The following C20orf203 variants were observed in gnomAD, a reference collection of about 807,000 sequenced individuals.
The protein encoded by C20orf203 is uncharacterized protein C20orf203.
In C20orf203, 16 loss-of-function variants were observed where a neutral mutation model predicts 15.9. The observed-to-expected ratio is 1.01, with a 90% CI of 0.68 to 1.53. C20orf203 has a LOEUF of 1.53. Ranked by LOEUF, C20orf203 falls within the 40% of genes most tolerant of loss-of-function variation. The pLI is 0.00. For missense variants in C20orf203, 263 were observed against 247.5 expected (o/e 1.06, Z -0.42); for synonymous variants, 98 against 97.2 (o/e 1.01, Z -0.05).
intron 1 of C20orf203, among the ~76,000 whole-genome samples, chr20:32,654,437 A>G (rs1747433661): frequency 1.3e-5 from 2 of 152,354 alleles, no homozygotes; most frequent in African/African-American, 4.8e-5. Context: ...CTTCAGATTC[A>G]ACACAATCTC....
At chr20:32,634,419 T>G (rs1318636879) in intron 5 of C20orf203, 149 bp from the exon 6 acceptor site, 3 of 393,894 alleles carry the variant, frequency 7.6e-6, no homozygotes, top group Non-Finnish European at 1.3e-5. Flanking sequence ...TGTCCTCAGG[T>G]GTGGACGCGT....
intron 1 of C20orf203, among the ~76,000 whole-genome samples, chr20:32,671,027 A>C (rs899611705): frequency 6.4e-4 from 96 of 150,326 alleles, no homozygotes; most frequent in Admixed American, 1.2e-3. Context: ...AAAAAAAAAA[A>C]AACAACAGTG....
chr20:32,638,459 T>C (rs1982195687), intron 5 of C20orf203, among the ~76,000 whole-genome samples: 2 of 151,952 alleles, frequency 1.3e-5, no homozygotes, highest in African/African-American at 4.8e-5. Flanking sequence ...GGAGGATCAG[T>C]GAGGTGAAGT....
At chr20:32,643,322 T>C (rs1982334317) in intron 4 of C20orf203, among the ~76,000 whole-genome samples, 1 of 152,160 alleles carries the variant, frequency 6.6e-6, no homozygotes, top group African/African-American at 2.4e-5. Context: ...GCTTACTTTA[T>C]AGGGTGGCTG....
chr20:32,658,128 G>A (rs1237753900), intron 1 of C20orf203, among the ~76,000 whole-genome samples: 1 of 152,074 alleles, frequency 6.6e-6, no homozygotes, highest in Non-Finnish European at 1.5e-5. Context: ...CCTGAGGTCA[G>A]GAGTTTAAGA....
At chr20:32,666,476 A>T (rs1983028721) in intron 1 of C20orf203, among the ~76,000 whole-genome samples, 1 of 151,532 alleles carries the variant, frequency 6.6e-6, no homozygotes, top group South Asian at 2.1e-4. Flanking sequence ...CAAAAAAAAA[A>T]AAAAAGTCCA....
chr20:32,651,055 G>T lies in C20orf203; in HGVS notation c.98C>A (p.Ala33Asp). The T allele has an allele frequency of 6.6e-7, 1 of 1,525,920 alleles. No homozygotes were observed. Among genetic ancestry groups the T allele is most frequent in the African/African-American group, 1.4e-5 (1 of 71,966 alleles). The allele number at this position is 1,525,920 out of a possible 1,614,324, so 94.5% of individuals were successfully genotyped here. ...LDHRQWPPRL[A>D]SFPFTKTGML... ...TCCAGTTTTTGTAAAGGGAAAACTGGCCAGGCGAGGTGGCCACTGCCTGTG... is the reference window on the plus strand; with the variant it reads ...TCCAGTTTTTGTAAAGGGAAAACTGTCCAGGCGAGGTGGCCACTGCCTGTG... Residue 33 changes from alanine (A) to aspartate (D), a missense_variant, in exon 3 of 6, where the codon GCC becomes GAC. Ala to Asp is a moderately radical substitution (Grantham distance 126, BLOSUM62 -2). Transcript: ENST00000608990.
At chr20:32,634,803 C>CATAT (rs141321913) in intron 5 of C20orf203, among the ~76,000 whole-genome samples, 1 of 149,494 alleles carries the variant, frequency 6.7e-6, no homozygotes, top group Non-Finnish European at 1.5e-5. Flanking sequence ...CCTACATATG[C>CATAT]ATATATATAT....
chr20:32,653,381 C>T (rs1189328081), intron 1 of C20orf203, among the ~76,000 whole-genome samples: 1 of 152,162 alleles, frequency 6.6e-6, no homozygotes, highest in Non-Finnish European at 1.5e-5. Context: ...CCAGGGCTCA[C>T]TCCCAGTGCA....
intron 1 of C20orf203, among the ~76,000 whole-genome samples, chr20:32,653,853 G>A (rs1982696592): frequency 6.6e-6 from 1 of 152,136 alleles, no homozygotes; most frequent in Admixed American, 6.6e-5. Flanking sequence ...AGCACTTTGG[G>A]AGGCCAAGGC....
chr20:32,637,714 C>T (rs925333953), intron 5 of C20orf203, among the ~76,000 whole-genome samples: 3 of 152,336 alleles, frequency 2.0e-5, no homozygotes, highest in Admixed American at 6.5e-5. Flanking sequence ...ATTTCTGATG[C>T]TTAGAATAAT....
intron 1 of C20orf203, among the ~76,000 whole-genome samples, chr20:32,654,238 TAATTC>T (rs1425827526): frequency 6.6e-6 from 1 of 152,014 alleles, no homozygotes; most frequent in Non-Finnish European, 1.5e-5. Context: ...ATTATGAAAA[TAATTC>T]AATTTATACT....
At chr20:32,651,206 G>A (rs1982615715) in intron 2 of C20orf203, 40 bp from the exon 3 acceptor site, 2 of 501,198 alleles carry the variant, frequency 4.0e-6, no homozygotes, top group East Asian at 6.5e-5. Flanking sequence ...AGCTGGGTGT[G>A]TTGGCTTGCG....
At chr20:32,652,138 G>A (rs945340862) in intron 1 of C20orf203, among the ~76,000 whole-genome samples, 157 bp from the exon 2 acceptor site, 4 of 151,660 alleles carry the variant, frequency 2.6e-5, no homozygotes, top group Non-Finnish European at 5.9e-5. Flanking sequence ...ACAAAACCTC[G>A]TCTCTACTAA....
chr20:32,647,771 AGGGTGAAACTACCAC>A, intron 4 of C20orf203, among the ~76,000 whole-genome samples: 1 of 152,274 alleles, frequency 6.6e-6, no homozygotes, highest in East Asian at 1.9e-4. Context: ...CGGAGTTGAA[AGGGTGAAACTACCAC>A]GGGTCGGGGA....
At chr20:32,670,536 C>A (rs1983140066) in intron 1 of C20orf203, among the ~76,000 whole-genome samples, 1 of 151,016 alleles carries the variant, frequency 6.6e-6, no homozygotes, top group Admixed American at 6.6e-5. Context: ...AAAAAATAAA[C>A]AAATAAATAA....
intron 1 of C20orf203, among the ~76,000 whole-genome samples, chr20:32,656,106 G>A (rs1982747444): frequency 6.6e-6 from 1 of 152,202 alleles, no homozygotes; most frequent in South Asian, 2.1e-4. Context: ...CCAGGAGCAG[G>A]TGCTGGTGCC....
At chr20:32,663,983 G>A (rs531781451) in intron 1 of C20orf203, among the ~76,000 whole-genome samples, 1 of 152,362 alleles carries the variant, frequency 6.6e-6, no homozygotes, top group African/African-American at 2.4e-5. Flanking sequence ...TCTGCTGTAC[G>A]AGAGAAGCCA....
chr20:32,664,264 A>G (rs527318505), intron 1 of C20orf203, among the ~76,000 whole-genome samples: 97 of 152,358 alleles, frequency 6.4e-4, no homozygotes, highest in Middle Eastern at 3.4e-3. Flanking sequence ...AGGCACTGAC[A>G]GTGAGATCCA....
Sources: gnomAD v4.1 joint callset for allele counts (sites outside exome capture counted in the v4.1 genomes callset) on GRCh38, gnomAD v4.1.1 for gene constraint, MANE v1.5 for transcripts, NCBI Gene and HGNC (gene_info 2026-07-23, HGNC 2026-07-21) for gene names.